Variants in CRPPA observed in about 807,000 individuals in gnomAD.
CRPPA encodes the protein D-ribitol-5-phosphate cytidylyltransferase.
CRPPA carries 43 observed loss-of-function variants against 52.0 expected under a neutral mutation model. That is an observed-to-expected ratio of 0.83 (90% CI 0.65 to 1.07). The LOEUF is 1.07. Among genes scored for constraint, CRPPA ranks in the 50% least tolerant of loss-of-function variants. The pLI is 0.00. For synonymous variants in CRPPA, 250 were observed against 203.5 expected (o/e 1.23, Z -1.94); for missense variants, 629 against 551.7 (o/e 1.14, Z -1.40).
At chr7:16,157,582 T>G (rs141039458) in intron 9 of CRPPA, among the ~76,000 whole-genome samples, 133 of 152,304 alleles carry the variant, frequency 8.7e-4, no homozygotes, top group African/African-American at 3.1e-3. Flanking sequence ...ATATGCCTTA[T>G]GTTTAAAAGC....
At chr7:16,216,975 A>C (rs1445072256) in intron 8 of CRPPA, among the ~76,000 whole-genome samples, 1 of 152,068 alleles carries the variant, frequency 6.6e-6, no homozygotes, top group African/African-American at 2.4e-5. Context: ...TGTAGGCTTC[A>C]CCTCTGGGGG....
At chr7:16,366,777 AG>A (rs1336452702) in intron 3 of CRPPA, among the ~76,000 whole-genome samples, 7 of 151,204 alleles carry the variant, frequency 4.6e-5, no homozygotes, top group African/African-American at 9.7e-5. Context: ...AAAAAAAAAA[AG>A]GCAAGAGGGA....
intron 9 of CRPPA, among the ~76,000 whole-genome samples, chr7:16,138,123 T>C (rs1352170051): frequency 6.6e-6 from 1 of 152,218 alleles, no homozygotes; most frequent in Non-Finnish European, 1.5e-5. Flanking sequence ...ACAATTTATA[T>C]GTACATATAT....
chr7:16,175,244 C>T (rs967517904), intron 9 of CRPPA, among the ~76,000 whole-genome samples: 1 of 152,070 alleles, frequency 6.6e-6, no homozygotes, highest in African/African-American at 2.4e-5. Flanking sequence ...AAACCCAAAT[C>T]ACAGTACTCT....
intron 5 of CRPPA, among the ~76,000 whole-genome samples, chr7:16,294,120 T>G (rs1784622132): frequency 6.6e-6 from 1 of 151,866 alleles, no homozygotes; most frequent in Middle Eastern, 3.2e-3. Context: ...ATTCTCTAAG[T>G]TAGTTGAGAG....
At chr7:16,250,224 T>A (rs1307472835) in intron 8 of CRPPA, among the ~76,000 whole-genome samples, 1 of 152,048 alleles carries the variant, frequency 6.6e-6, no homozygotes, top group Non-Finnish European at 1.5e-5. Flanking sequence ...CGAGACTATG[T>A]GAAAAGACCA....
intron 5 of CRPPA, among the ~76,000 whole-genome samples, chr7:16,279,166 A>T (rs1784268631): frequency 1.3e-5 from 2 of 152,212 alleles, no homozygotes; most frequent in Non-Finnish European, 2.9e-5. Context: ...ATGTTTGATT[A>T]ACTTTTGACC....
At chr7:16,106,104 C>G (rs1389617557) in intron 9 of CRPPA, among the ~76,000 whole-genome samples, 1 of 152,080 alleles carries the variant, frequency 6.6e-6, no homozygotes, top group Non-Finnish European at 1.5e-5. Flanking sequence ...CACTGTAACC[C>G]AAAACTCAGG....
intron 3 of CRPPA, among the ~76,000 whole-genome samples, chr7:16,375,630 C>A (rs1277118358): frequency 6.6e-6 from 1 of 152,170 alleles, no homozygotes; most frequent in African/African-American, 2.4e-5. Flanking sequence ...CTGACAAGGG[C>A]AAGTCAGTGT....
chr7:16,288,588 G>A (rs1247462199), intron 5 of CRPPA, among the ~76,000 whole-genome samples: 3 of 151,970 alleles, frequency 2.0e-5, no homozygotes, highest in Admixed American at 6.6e-5. Flanking sequence ...GCTCACACCT[G>A]TAATCCCAGC....
intron 2 of CRPPA, among the ~76,000 whole-genome samples, chr7:16,398,358 CAG>C (rs1466630643): frequency 2.0e-5 from 3 of 147,046 alleles, no homozygotes; most frequent in East Asian, 2.0e-4. Flanking sequence ...TGACATGTGA[CAG>C]AGGCAAGACC....
At chr7:16,380,675 A>G (rs1787060477) in intron 2 of CRPPA, among the ~76,000 whole-genome samples, 1 of 152,106 alleles carries the variant, frequency 6.6e-6, no homozygotes, top group Admixed American at 6.6e-5. Context: ...AGAGCCTGTT[A>G]TTGGTCTACT....
At chr7:16,398,022 A>C (rs1266485491) in intron 2 of CRPPA, among the ~76,000 whole-genome samples, 2 of 152,224 alleles carry the variant, frequency 1.3e-5, no homozygotes, top group Non-Finnish European at 2.9e-5. Flanking sequence ...TTGACACATG[A>C]TCAACACGTA....
intron 6 of CRPPA, among the ~76,000 whole-genome samples, chr7:16,266,482 C>CT (rs71549980): frequency 0.45 from 63,867 of 142,784 alleles, 14,111 homozygotes; most frequent in Admixed American, 0.49. Context: ...TTTTGTTTTT[C>CT]TTTTTTTTTT....
At chr7:16,203,616 G>A (rs1044155385) in intron 9 of CRPPA, among the ~76,000 whole-genome samples, 5 of 152,100 alleles carry the variant, frequency 3.3e-5, no homozygotes, top group African/African-American at 1.2e-4. Context: ...TATAGATAGG[G>A]ATGAGGAAGA....
chr7:16,364,708 C>G (rs189578821), intron 3 of CRPPA, among the ~76,000 whole-genome samples: 7 of 152,252 alleles, frequency 4.6e-5, no homozygotes, highest in African/African-American at 1.7e-4. Context: ...AGCATGAATT[C>G]TCTTGGGTTT....
intron 3 of CRPPA, among the ~76,000 whole-genome samples, chr7:16,347,105 A>G (rs1786032170): frequency 6.6e-6 from 1 of 152,126 alleles, no homozygotes; most frequent in Non-Finnish European, 1.5e-5. Flanking sequence ...TACATAGGTT[A>G]GCTCATCCAA....
intron 9 of CRPPA, among the ~76,000 whole-genome samples, chr7:16,171,423 A>C (rs1477478629): frequency 1.3e-5 from 2 of 152,184 alleles, no homozygotes; most frequent in African/African-American, 4.8e-5. Flanking sequence ...CAACTCACTA[A>C]ATAGGTCTAA....
At chr7:16,156,468 C>A (rs1267286444) in intron 9 of CRPPA, among the ~76,000 whole-genome samples, 1 of 152,144 alleles carries the variant, frequency 6.6e-6, no homozygotes, top group Non-Finnish European at 1.5e-5. Context: ...GAAATTTTGA[C>A]CAAACTCAGA....
Sources: gnomAD v4.1 joint callset for allele counts (sites outside exome capture counted in the v4.1 genomes callset) on GRCh38, gnomAD v4.1.1 for gene constraint, MANE v1.5 for transcripts, NCBI Gene and HGNC (gene_info 2026-07-23, HGNC 2026-07-21) for gene names.